CALB2: variants seen among roughly 807,000 people sequenced by gnomAD.
The protein encoded by CALB2 is calbindin 2, also known as calretinin.
In CALB2, 34 loss-of-function variants were observed where a neutral mutation model predicts 45.9. The ratio of observed to expected loss-of-function variants is 0.74; its 90% confidence interval spans 0.56 to 0.99. The LOEUF (loss-of-function observed/expected upper bound fraction) is 0.99, where lower values mean the gene tolerates loss of function less well. CALB2 is among the 50% of genes least tolerant of loss of function. The pLI is 0.00. For missense variants in CALB2, 344 were observed against 339.3 expected (o/e 1.01, Z -0.11); for synonymous variants, 142 against 129.6 (o/e 1.10, Z -0.65).
chr16:71,367,065 C>T (rs2042295526), intron 1 of CALB2, among the ~76,000 whole-genome samples: 1 of 152,064 alleles, frequency 6.6e-6, no homozygotes, highest in South Asian at 2.1e-4. Context: ...GGGGTGAAGC[C>T]TCCTCTAGGC....
chr16:71,361,625 C>A (rs947437325), intron 1 of CALB2, among the ~76,000 whole-genome samples: 2 of 152,190 alleles, frequency 1.3e-5, no homozygotes, highest in Non-Finnish European at 2.9e-5. Context: ...CCTCCCCACC[C>A]CTTCTGGATG....
intron 4 of CALB2, among the ~76,000 whole-genome samples, chr16:71,381,723 A>G (rs1445935152): frequency 6.6e-6 from 1 of 152,032 alleles, no homozygotes; most frequent in Non-Finnish European, 1.5e-5. Context: ...ACTTGAAAGA[A>G]AATCTAGGAG....
At chr16:71,364,683 C>G (rs751041513) in intron 1 of CALB2, among the ~76,000 whole-genome samples, 22 of 152,216 alleles carry the variant, frequency 1.4e-4, no homozygotes, top group Non-Finnish European at 2.4e-4. Flanking sequence ...TTCAGGGGAC[C>G]CAGCCCAGCT....
At chr16:71,388,419 G>T (rs550037150) in intron 10 of CALB2, among the ~76,000 whole-genome samples, 20 of 151,978 alleles carry the variant, frequency 1.3e-4, no homozygotes, top group Admixed American at 1.2e-3. Flanking sequence ...AGAAAGAAAA[G>T]GTTGTTTAAG....
intron 9 of CALB2, 125 bp from the exon 10 acceptor site, chr16:71,385,452 C>T (rs1000971000): frequency 2.6e-5 from 17 of 659,676 alleles, no homozygotes; most frequent in Middle Eastern, 5.0e-4. Context: ...TGTCATTACA[C>T]GATCTGAACA....
At chr16:71,384,498 C>T (rs1439404866) in intron 8 of CALB2, 120 bp downstream of exon 8, 160 of 809,218 alleles carry the variant, frequency 2.0e-4, no homozygotes, top group Non-Finnish European at 6.4e-5. Flanking sequence ...ACCACACACA[C>T]ACAAAACACA....
rs779181390 is a variant in CALB2, at chr16:71,358,837, G to A, written c.45G>A (p.Glu15=). The change falls in exon 1 of 11, where the codon GAG becomes GAA. Residue 15 remains glutamate (E), a synonymous_variant. Coordinates refer to ENST00000302628, the MANE Select transcript of CALB2 (RefSeq NM_001740.5). ...AGCCCCCTTACCTGCACCTGGCCGAGCTGACGGCGTCCCAGTTCCTGGAAA... is the reference window on the plus strand; with the variant it reads ...AGCCCCCTTACCTGCACCTGGCCGAACTGACGGCGTCCCAGTTCCTGGAAA... ...QQQPPYLHLA[E]LTASQFLEIW... The A allele has an allele frequency of 6.2e-7, 1 of 1,612,678 alleles. No individual in the cohort carries two copies. Among genetic ancestry groups the A allele is most frequent in the African/African-American group, 1.3e-5 (1 of 74,950 alleles).
intron 5 of CALB2, among the ~76,000 whole-genome samples, 182 bp from the exon 6 acceptor site, chr16:71,383,185 A>G (rs534944369): frequency 1.3e-5 from 2 of 152,320 alleles, no homozygotes; most frequent in African/African-American, 4.8e-5. Flanking sequence ...ACCACCAGCT[A>G]GTACAGCCTT....
chr16:71,372,063 A>C, intron 1 of CALB2, 90 bp from the exon 2 acceptor site: 1 of 910,018 alleles, frequency 1.1e-6, no homozygotes, highest in Non-Finnish European at 1.8e-6. Context: ...AGCTGGGAGA[A>C]GACATTCTCC....
intron 10 of CALB2, among the ~76,000 whole-genome samples, chr16:71,388,341 A>AT (rs2042594008): frequency 6.7e-6 from 1 of 148,708 alleles, no homozygotes. Flanking sequence ...TCTCAAAAAA[A>AT]AAAAAAAAAA....
chr16:71,384,204 C>T (rs1393840404), intron 7 of CALB2, 135 bp from the exon 8 acceptor site: 4 of 999,076 alleles, frequency 4.0e-6, no homozygotes, highest in Non-Finnish European at 6.4e-6. Flanking sequence ...CGTTTTTGAA[C>T]TTCCCACTGA....
At chr16:71,380,292 CTTTTTTTTTTTTTTTTTTTT>C (rs544138378) in intron 4 of CALB2, among the ~76,000 whole-genome samples, 2 of 43,794 alleles carry the variant, frequency 4.6e-5, no homozygotes, top group African/African-American at 8.3e-5. Flanking sequence ...CCTTCCTTTT[CTTTTTTTTTTTTTTTTTTTT>C]TTTTTTTTTT....
intron 2 of CALB2, 95 bp from the exon 3 acceptor site, chr16:71,374,650 A>C: frequency 2.4e-6 from 2 of 827,068 alleles, no homozygotes; most frequent in Non-Finnish European, 4.1e-6. Context: ...GCACCCACTT[A>C]CCCAGGATGC....
In CALB2 at chr16:71,390,019, GGCAGCTGGGGGGCTGTCCT is replaced by G; in HGVS notation, c.*156_*174del. 1 of 609,808 alleles carries G rather than the reference GGCAGCTGGGGGGCTGTCCT, an allele frequency of 1.6e-6. No individual in the cohort carries two copies. Among genetic ancestry groups the G allele is most frequent in the Non-Finnish European group, 2.9e-6 (1 of 342,246 alleles). 37.8% of individuals were successfully genotyped at this position (609,808 alleles called of 1,614,324 possible). A position where few individuals can be genotyped will look rare whatever the true frequency, so the allele number is the denominator to read the frequency against. On this transcript the variant is annotated 3_prime_UTR_variant, in exon 11 of 11. Transcript: ENST00000302628. ...AGCAGGAAATGAGAGATAGAGGATG[GGCAGCTGGGGGGCTGTCCT>G]GAGCCCCCTGCACCCACCCCTGCCC...
intron 1 of CALB2, among the ~76,000 whole-genome samples, chr16:71,362,471 T>C (rs2042245487): frequency 6.6e-6 from 1 of 152,212 alleles, no homozygotes; most frequent in African/African-American, 2.4e-5. Flanking sequence ...CGCAGAAAGT[T>C]ATATGAACAA....
At chr16:71,365,132 G>A (rs189912517) in intron 1 of CALB2, among the ~76,000 whole-genome samples, 1 of 152,296 alleles carries the variant, frequency 6.6e-6, no homozygotes, top group Non-Finnish European at 1.5e-5. Flanking sequence ...TGTCCCAGAG[G>A]GTGCTCCAGA....
intron 4 of CALB2, among the ~76,000 whole-genome samples, chr16:71,380,443 G>A (rs916096109): frequency 8.5e-5 from 12 of 141,274 alleles, no homozygotes; most frequent in Non-Finnish European, 1.7e-4. Flanking sequence ...CGCCGAGCTC[G>A]GATTACAGGC....
chr16:71,366,022 C>CTTTTTTTTTTT (rs1447467571), intron 1 of CALB2, among the ~76,000 whole-genome samples: 1,535 of 50,274 alleles, frequency 0.031, 346 homozygotes, highest in Non-Finnish European at 0.036. Context: ...CCCTCTCTCT[C>CTTTTTTTTTTT]TCTTTTTTTT....
chr16:71,384,924 C>G (rs1354631255), intron 9 of CALB2, 88 bp downstream of exon 9: 5 of 1,163,804 alleles, frequency 4.3e-6, no homozygotes, highest in African/African-American at 3.0e-5. Flanking sequence ...GAAGAGACAG[C>G]TTTCCAGGGG....
Sources: allele counts gnomAD v4.1 joint callset (sites outside exome capture counted in the v4.1 genomes callset), GRCh38; gene constraint gnomAD v4.1.1; transcripts MANE v1.5; gene names NCBI Gene and HGNC (gene_info 2026-07-23, HGNC 2026-07-21).